The following CACNA1S variants were observed in gnomAD, a reference collection of about 807,000 sequenced individuals.
The protein encoded by CACNA1S is calcium voltage-gated channel subunit alpha1 S, also known as voltage-dependent L-type calcium channel subunit alpha-1S.
In CACNA1S, 126 loss-of-function variants were observed where a neutral mutation model predicts 207.4. The observed-to-expected ratio is 0.61, with a 90% confidence interval of 0.53 to 0.70. The LOEUF is 0.70. Ranked by LOEUF, CACNA1S falls within the 30% of genes least tolerant of loss-of-function variation. The pLI is 0.00. For synonymous variants in CACNA1S, 960 were observed against 932.7 expected, an observed-to-expected ratio of 1.03 and a Z score of -0.53; for missense variants, 2,349 against 2,422.8, an observed-to-expected ratio of 0.97 and a Z score of 0.64.
At chr1:201,065,070 C>T (rs1026394958) in intron 22 of CACNA1S, among the ~76,000 whole-genome samples, 1 of 152,152 alleles carries the variant, frequency 6.6e-6, no homozygotes, top group Non-Finnish European at 1.5e-5. Context: ...GGGCCTCCCT[C>T]CCCAAGGAAA....
At chr1:201,101,345 C>T (rs1268096938) in intron 2 of CACNA1S, among the ~76,000 whole-genome samples, 3 of 152,208 alleles carry the variant, frequency 2.0e-5, no homozygotes, top group East Asian at 3.8e-4. Context: ...TGACAAAAAA[C>T]AACCCTCACC....
chr1:201,083,454 T>G, intron 9 of CACNA1S, 132 bp from the exon 10 acceptor site: 1 of 884,578 alleles, frequency 1.1e-6, no homozygotes, highest in East Asian at 2.4e-5. Flanking sequence ...TGAGAGAAGC[T>G]CAGGGCATGA....
chr1:201,041,902 G>T, intron 40 of CACNA1S: 2 of 440,642 alleles, frequency 4.5e-6, no homozygotes, highest in Non-Finnish European at 8.4e-6. Flanking sequence ...CTCCATCTTG[G>T]CCACACATAG....
At position 201,090,368 on chromosome 1, in the gene CACNA1S, A is replaced by T. The variant is rs532915330; in HGVS notation, c.695-905T>A. On this transcript the variant is annotated intron_variant, in intron 5 of 43. Coordinates refer to ENST00000362061, the MANE Select transcript of CACNA1S (RefSeq NM_000069.3). ...CCATCCTGATAATGCTTATGATAGG[A>T]TGTAGATTGTGGTGGTGATGGGAGG... Among the ~76,000 whole-genome samples the T allele has an allele frequency of 6.6e-5, 10 of 152,224 alleles. No individual in the cohort carries two copies. In the East Asian group the frequency reaches 1.7e-3, roughly 26 times the overall value.
intron 15 of CACNA1S, 87 bp downstream of exon 15, chr1:201,073,452 TCCCCACCCTA>T: frequency 9.7e-7 from 1 of 1,025,830 alleles, no homozygotes; most frequent in Non-Finnish European, 1.5e-6. Context: ...CTCTCCTACC[TCCCCACCCTA>T]CCCCACCTGT....
At chr1:201,102,295 G>A (rs1305734251) in intron 2 of CACNA1S, among the ~76,000 whole-genome samples, 4 of 152,130 alleles carry the variant, frequency 2.6e-5, no homozygotes, top group African/African-American at 4.8e-5. Flanking sequence ...CTTGGTTCAA[G>A]GTGAATAGGT....
intron 2 of CACNA1S, among the ~76,000 whole-genome samples, chr1:201,101,272 G>C (rs16847737): frequency 0.039 from 5,956 of 152,230 alleles, 245 homozygotes; most frequent in East Asian, 0.2. Context: ...TTCCACACAG[G>C]AGGTTCTCTG....
intron 17 of CACNA1S, among the ~76,000 whole-genome samples, 156 bp downstream of exon 17, chr1:201,070,116 A>G (rs1264636894): frequency 6.6e-6 from 1 of 152,230 alleles, no homozygotes; most frequent in Non-Finnish European, 1.5e-5. Flanking sequence ...TCCCAGATAT[A>G]CTAGCATTTT....
intron 22 of CACNA1S, among the ~76,000 whole-genome samples, chr1:201,063,471 GT>G (rs1289032945): frequency 6.6e-6 from 1 of 151,982 alleles, no homozygotes; most frequent in Admixed American, 6.5e-5. Flanking sequence ...TGTATTTTTA[GT>G]GAGAAGGGGT....
intron 1 of CACNA1S, among the ~76,000 whole-genome samples, 162 bp from the exon 2 acceptor site, chr1:201,110,431 G>C (rs943500368): frequency 2.0e-5 from 3 of 152,188 alleles, no homozygotes; most frequent in Non-Finnish European, 4.4e-5. Flanking sequence ...GCCCCTGCAG[G>C]GTACAGTGAG....
At chr1:201,051,288 T>A (rs1660640746) in intron 32 of CACNA1S, 145 bp from the exon 33 acceptor site, 2 of 759,090 alleles carry the variant, frequency 2.6e-6, no homozygotes, top group Non-Finnish European at 4.6e-6. Context: ...TCATGTTCAC[T>A]GTGTAGCTCA....
At chr1:201,083,773 CT>C (rs1337403814) in intron 9 of CACNA1S, among the ~76,000 whole-genome samples, 1 of 152,180 alleles carries the variant, frequency 6.6e-6, no homozygotes, top group Non-Finnish European at 1.5e-5. Flanking sequence ...TCTATATGCT[CT>C]GTTTATTAAT....
At chr1:201,072,103 C>G (rs1661451644) in intron 16 of CACNA1S, among the ~76,000 whole-genome samples, 1 of 152,192 alleles carries the variant, frequency 6.6e-6, no homozygotes, top group South Asian at 2.1e-4. Flanking sequence ...TCTTGGGCCC[C>G]AGGGCTCTGT....
chr1:201,089,841 C>T (rs1421164680), intron 5 of CACNA1S, among the ~76,000 whole-genome samples: 1 of 152,218 alleles, frequency 6.6e-6, no homozygotes, highest in Non-Finnish European at 1.5e-5. Context: ...CTCACATGTT[C>T]TGACTTGAGA....
intron 2 of CACNA1S, 23 bp downstream of exon 2, chr1:201,110,141 G>C: frequency 6.2e-7 from 1 of 1,602,578 alleles, no homozygotes. Flanking sequence ...TCGCAGGAAG[G>C]GAGATGGAAG....
rs1327220421 is a variant in CACNA1S at position 201,050,466 on chromosome 1, G to C, written c.4164C>G (p.Thr1388=). The C allele has an allele frequency of 1.2e-6, 2 of 1,614,112 alleles. No individual in the cohort carries two copies. Among genetic ancestry groups the C allele is most frequent in the Non-Finnish European group, 1.7e-6 (2 of 1,180,012 alleles). The part of the protein sequence containing the change: ...AVIMDNFDYL[T]RDWSILGPHH... Reference sequence around the variant, plus strand: ...GAGGGCCCAGGATGGACCAGTCCCGGGTGAGGTAGTCAAAATTGTCCATGA... The same window carrying C: ...GAGGGCCCAGGATGGACCAGTCCCGCGTGAGGTAGTCAAAATTGTCCATGA... Residue 1388 remains threonine (T), a synonymous_variant, in exon 34 of 44, where the codon ACC becomes ACG. Coordinates refer to ENST00000362061, the MANE Select transcript of CACNA1S (RefSeq NM_000069.3).
chr1:201,112,375 C>T lies in CACNA1S; in HGVS notation c.-36G>A, dbSNP rs751716331. 1.2e-5 allele frequency: 19 copies of T among 1,613,332 alleles called. No individual in the cohort carries two copies. In the South Asian group the frequency reaches 1.8e-4, roughly 15 times the overall value. On this transcript the variant is annotated 5_prime_UTR_variant, in exon 1 of 44. Coordinates refer to ENST00000362061, the MANE Select transcript of CACNA1S (RefSeq NM_000069.3). Reference sequence around the variant, plus strand: ...GGAATCTGGCTTTCTCCTGCTCCCCCACCCCAGTGCTTTCCCTTCCCTGTG... The same window carrying T: ...GGAATCTGGCTTTCTCCTGCTCCCCTACCCCAGTGCTTTCCCTTCCCTGTG...
At chr1:201,049,343 T>C (rs1409948157) in intron 34 of CACNA1S, among the ~76,000 whole-genome samples, 1 of 152,228 alleles carries the variant, frequency 6.6e-6, no homozygotes, top group Non-Finnish European at 1.5e-5. Flanking sequence ...TTCCCTCAGA[T>C]ATGGGATAAC....
intron 33 of CACNA1S, 121 bp downstream of exon 33, chr1:201,050,863 C>T (rs1189216181): frequency 1.0e-5 from 11 of 1,081,688 alleles, no homozygotes; most frequent in Non-Finnish European, 1.6e-5. Flanking sequence ...ACTAGAGCCT[C>T]CTGCGTCCCC....
Sources: allele counts gnomAD v4.1 joint callset (sites outside exome capture counted in the v4.1 genomes callset), GRCh38; gene constraint gnomAD v4.1.1; transcripts MANE v1.5; gene names NCBI Gene and HGNC (gene_info 2026-07-23, HGNC 2026-07-21).